The following NDUFS4 variants were observed in gnomAD, a reference collection of about 807,000 sequenced individuals.
The protein encoded by NDUFS4 is NADH:ubiquinone oxidoreductase subunit S4.
In NDUFS4, 28 loss-of-function variants were observed where a neutral mutation model predicts 24.3. The observed-to-expected ratio is 1.15, with a 90% CI of 0.85 to 1.58. The LOEUF (loss-of-function observed/expected upper bound fraction) is 1.58, where lower values mean the gene tolerates loss of function less well. Among genes scored for constraint, NDUFS4 ranks in the 40% most tolerant of loss-of-function variants. The pLI is 0.00. For missense variants in NDUFS4, 223 were observed against 207.9 expected, an observed-to-expected ratio of 1.07 and a Z score of -0.45; for synonymous variants, 93 against 69.7, an observed-to-expected ratio of 1.34 and a Z score of -1.67.
At chr5:53,601,414 A>G (rs1279170116) in intron 1 of NDUFS4, among the ~76,000 whole-genome samples, 1 of 152,206 alleles carries the variant, frequency 6.6e-6, no homozygotes, top group Non-Finnish European at 1.5e-5. Flanking sequence ...TGGTTTTATA[A>G]ATTAAGAACT....
At chr5:53,599,740 T>TTACA (rs1404555826) in intron 1 of NDUFS4, among the ~76,000 whole-genome samples, 1 of 152,114 alleles carries the variant, frequency 6.6e-6, no homozygotes, top group Non-Finnish European at 1.5e-5. Flanking sequence ...TACACTTCAC[T>TTACA]TACAGTATAT....
chr5:53,583,382 C>A (rs866422211), intron 1 of NDUFS4, among the ~76,000 whole-genome samples: 3 of 152,200 alleles, frequency 2.0e-5, no homozygotes, highest in African/African-American at 7.2e-5. Flanking sequence ...GACAGCTTTC[C>A]ATGTGATTTG....
intron 1 of NDUFS4, among the ~76,000 whole-genome samples, chr5:53,597,036 A>G (rs1038888168): frequency 6.6e-6 from 1 of 152,136 alleles, no homozygotes; most frequent in Non-Finnish European, 1.5e-5. Flanking sequence ...CAAATGTACA[A>G]TTTGGGCAGG....
chr5:53,587,838 C>T (rs1388246994), intron 1 of NDUFS4, among the ~76,000 whole-genome samples: 6 of 152,144 alleles, frequency 3.9e-5, no homozygotes, highest in Non-Finnish European at 5.9e-5. Context: ...CTCAGTCTCC[C>T]AAAGAACTGG....
intron 2 of NDUFS4, among the ~76,000 whole-genome samples, chr5:53,627,237 T>G (rs1751257479): frequency 1.3e-5 from 2 of 152,220 alleles, no homozygotes; most frequent in Admixed American, 6.5e-5. Flanking sequence ...TCCATTGGTC[T>G]ATATATCTGT....
intron 1 of NDUFS4, among the ~76,000 whole-genome samples, chr5:53,581,123 G>A (rs1223482854): frequency 6.6e-6 from 1 of 152,128 alleles, no homozygotes; most frequent in Non-Finnish European, 1.5e-5. Flanking sequence ...GTGAGCTACT[G>A]TGCCTGGCCA....
chr5:53,606,075 T>G (rs1222520129), intron 2 of NDUFS4, among the ~76,000 whole-genome samples: 1 of 149,194 alleles, frequency 6.7e-6, no homozygotes, highest in South Asian at 2.1e-4. Context: ...TCCCAGCTAC[T>G]CAGGAGGCTG....
chr5:53,647,172 T>C (rs1479712312), intron 3 of NDUFS4, among the ~76,000 whole-genome samples: 1 of 151,548 alleles, frequency 6.6e-6, no homozygotes, highest in Non-Finnish European at 1.5e-5. Flanking sequence ...TCCTGAGATA[T>C]TGTGATTAAT....
intron 2 of NDUFS4, among the ~76,000 whole-genome samples, chr5:53,637,910 T>C (rs1751604374): frequency 1.3e-5 from 2 of 152,174 alleles, no homozygotes; most frequent in Non-Finnish European, 2.9e-5. Context: ...AGACTATTGC[T>C]CACTGCAAAC....
intron 3 of NDUFS4, among the ~76,000 whole-genome samples, chr5:53,654,935 A>G (rs1752122129): frequency 6.6e-6 from 1 of 152,212 alleles, no homozygotes; most frequent in African/African-American, 2.4e-5. Flanking sequence ...ATCTTCACAA[A>G]GTCTGTTTTA....
At chr5:53,579,175 T>C (rs140587332) in intron 1 of NDUFS4, among the ~76,000 whole-genome samples, 127 of 151,308 alleles carry the variant, frequency 8.4e-4, no homozygotes, top group Non-Finnish European at 9.5e-4. Context: ...CCGTCTCAGT[T>C]TTCTTTCAGA....
At chr5:53,677,187 A>G (rs931342965) in intron 4 of NDUFS4, among the ~76,000 whole-genome samples, 47 of 152,206 alleles carry the variant, frequency 3.1e-4, no homozygotes, top group Admixed American at 3.1e-3. Context: ...AGTTCCAACT[A>G]CTGCTTTGAA....
intron 4 of NDUFS4, among the ~76,000 whole-genome samples, chr5:53,663,269 A>T (rs1752400898): frequency 6.6e-6 from 1 of 152,052 alleles, no homozygotes; most frequent in South Asian, 2.1e-4. Flanking sequence ...TCAATTTTGG[A>T]ACAGGTGTGG....
chr5:53,668,760 C>T (rs767696063), intron 4 of NDUFS4, among the ~76,000 whole-genome samples: 22 of 151,970 alleles, frequency 1.4e-4, no homozygotes, highest in Non-Finnish European at 2.2e-4. Context: ...TGCACCCAGC[C>T]TTACAAAACA....
intron 3 of NDUFS4, among the ~76,000 whole-genome samples, chr5:53,653,551 G>C (rs1374052141): frequency 2.0e-5 from 3 of 151,950 alleles, no homozygotes; most frequent in African/African-American, 7.3e-5. Context: ...GACTGTGCTT[G>C]CATTGTAGAT....
At chr5:53,641,396 G>C (rs550241257) in intron 2 of NDUFS4, among the ~76,000 whole-genome samples, 18 of 152,220 alleles carry the variant, frequency 1.2e-4, no homozygotes, top group South Asian at 4.1e-4. Context: ...TCATTTGCAT[G>C]AACTATTTCT....
At chr5:53,592,265 A>G (rs778311317) in intron 1 of NDUFS4, among the ~76,000 whole-genome samples, 2 of 152,044 alleles carry the variant, frequency 1.3e-5, no homozygotes, top group African/African-American at 4.8e-5. Context: ...TTGAGTTTTA[A>G]GAGTTCTTTG....
chr5:53,642,117 C>G (rs1427437400), intron 2 of NDUFS4, among the ~76,000 whole-genome samples: 2 of 152,076 alleles, frequency 1.3e-5, no homozygotes, highest in Non-Finnish European at 2.9e-5. Context: ...ATTTATTTCT[C>G]TTCATGACAA....
At position 53,682,934 on chromosome 5, in the gene NDUFS4, T is replaced by C. The variant is rs181717906; in HGVS notation, c.425-184T>C. Among the ~76,000 whole-genome samples, 432 of 71,752 alleles carry C rather than the reference T, an allele frequency of 6.0e-3. 1 individual carries two copies. Among genetic ancestry groups the C allele is most frequent in the African/African-American group, 0.025 (418 of 16,768 alleles). The allele number at this position is 71,752 out of a possible 152,430, so 47.1% of individuals were successfully genotyped here. A position where few individuals can be genotyped will look rare whatever the true frequency, so the allele number is the denominator to read the frequency against. On this transcript the variant is annotated intron_variant, in intron 4 of 4. Transcript: ENST00000296684. ...AATCTGCAGGCAATCTTTTGGACCC[T>C]TTTCTCACAGAGGATTGATTATAAG...
Sources: allele counts gnomAD v4.1 joint callset (sites outside exome capture counted in the v4.1 genomes callset), GRCh38; gene constraint gnomAD v4.1.1; transcripts MANE v1.5; gene names NCBI Gene and HGNC (gene_info 2026-07-23, HGNC 2026-07-21).